Variants in UNC13C observed in about 807,000 individuals in gnomAD.
UNC13C encodes protein unc-13 homolog C.
Under a neutral mutation model 245.4 loss-of-function variants are expected in UNC13C, and 174 were observed. The ratio of observed to expected loss-of-function variants is 0.71; its 90% CI spans 0.63 to 0.80. The LOEUF (loss-of-function observed/expected upper bound fraction) is 0.80, where lower values mean the gene tolerates loss of function less well. UNC13C is among the 30% of genes least tolerant of loss of function. The pLI is 0.00. For missense variants in UNC13C, 2,829 were observed against 2,602.9 expected, an observed-to-expected ratio of 1.09 and a Z score of -1.89; for synonymous variants, 992 against 895.1, an observed-to-expected ratio of 1.11 and a Z score of -1.93.
chr15:53,873,569 GGC>G, the UNC13C span, among the ~76,000 whole-genome samples: 1 of 152,116 alleles, frequency 6.6e-6, no homozygotes, highest in South Asian at 2.1e-4. Flanking sequence ...AGGCTCAGAA[GGC>G]AAATCATCTA....
the UNC13C span, among the ~76,000 whole-genome samples, chr15:53,872,346 AG>A: frequency 3.1e-5 from 1 of 32,166 alleles, no homozygotes; most frequent in African/African-American, 4.5e-5. Context: ...CGCCATTCAT[AG>A]ATTTTTTTTT....
chr15:53,898,090 T>C, the UNC13C span, among the ~76,000 whole-genome samples: 1 of 152,156 alleles, frequency 6.6e-6, no homozygotes, highest in South Asian at 2.1e-4. Context: ...GTGAGACCCA[T>C]GCTGATAGTT....
chr15:54,616,718 G>T (rs1566941754), intron 30 of UNC13C, among the ~76,000 whole-genome samples: 1 of 152,058 alleles, frequency 6.6e-6, no homozygotes. Flanking sequence ...AAAGGTTACA[G>T]AAAGTTTACT....
At chr15:54,428,739 G>A (rs8029012) in intron 19 of UNC13C, among the ~76,000 whole-genome samples, 7,690 of 151,602 alleles carry the variant, frequency 0.051, 312 homozygotes, top group African/African-American at 0.12. Flanking sequence ...TGCTAGATCT[G>A]AAGTGGATAT....
chr15:54,450,292 C>T (rs1335297564), intron 19 of UNC13C, among the ~76,000 whole-genome samples: 4 of 152,218 alleles, frequency 2.6e-5, no homozygotes, highest in African/African-American at 9.6e-5. Context: ...CTACTCTCTT[C>T]AAAGCTGTCA....
At chr15:54,269,506 T>C (rs983811411) in intron 10 of UNC13C, among the ~76,000 whole-genome samples, 20 of 152,188 alleles carry the variant, frequency 1.3e-4, no homozygotes, top group African/African-American at 4.8e-4. Context: ...ATTTATTGTA[T>C]TATTTTAATC....
intron 4 of UNC13C, among the ~76,000 whole-genome samples, chr15:54,216,565 T>A (rs2035045326): frequency 6.6e-6 from 1 of 151,908 alleles, no homozygotes; most frequent in African/African-American, 2.4e-5. Context: ...CCTTCCCTAC[T>A]TCAATGGAGT....
chr15:54,214,019 C>T (rs997060589), intron 4 of UNC13C, among the ~76,000 whole-genome samples: 1 of 151,978 alleles, frequency 6.6e-6, no homozygotes, highest in Non-Finnish European at 1.5e-5. Flanking sequence ...ATTGACACTA[C>T]AAATTATTAT....
intron 2 of UNC13C, among the ~76,000 whole-genome samples, chr15:54,091,317 A>C (rs1899560458): frequency 6.6e-6 from 1 of 151,970 alleles, no homozygotes; most frequent in South Asian, 2.1e-4. Flanking sequence ...TTTTGTTCTC[A>C]CCTTGCAGAG....
At chr15:53,845,370 T>C in the UNC13C span, among the ~76,000 whole-genome samples, 1 of 150,098 alleles carries the variant, frequency 6.7e-6, no homozygotes, top group East Asian at 2.0e-4. Context: ...TGGAACAGTA[T>C]AGAAAACTGA....
Position 54,013,680 on chromosome 15 carries a change from A to G in UNC13C, c.777A>G (p.Glu259=). The G allele has an allele frequency of 1.2e-6, 2 of 1,613,762 alleles. No homozygotes were observed. Among genetic ancestry groups the G allele is most frequent in the Non-Finnish European group, 1.7e-6 (2 of 1,179,808 alleles). ...ELQGISQIET[E]LSELRGHVNA... ...AGGGAATAAGTCAGATTGAAACAGA[A>G]CTTTCTGAACTACGAGGGCACGTCA... The change falls in exon 2 of 33, where the codon GAA becomes GAG. Residue 259 remains glutamate, a synonymous_variant. Coordinates refer to ENST00000260323, the MANE Select transcript of UNC13C (RefSeq NM_001080534.3).
chr15:54,042,995 A>C (rs1355247729), intron 2 of UNC13C, among the ~76,000 whole-genome samples: 3 of 152,146 alleles, frequency 2.0e-5, no homozygotes, highest in Non-Finnish European at 4.4e-5. Flanking sequence ...CTCCCTATTC[A>C]GCCTGGAAAC....
chr15:54,035,853 C>T (rs1896557633), intron 2 of UNC13C, among the ~76,000 whole-genome samples: 1 of 152,134 alleles, frequency 6.6e-6, no homozygotes, highest in Non-Finnish European at 1.5e-5. Flanking sequence ...GGTATTGCAA[C>T]ACCGAGAGGA....
intron 30 of UNC13C, among the ~76,000 whole-genome samples, chr15:54,571,379 C>A (rs955613557): frequency 6.6e-6 from 1 of 152,130 alleles, no homozygotes; most frequent in African/African-American, 2.4e-5. Context: ...AGCATGATAG[C>A]AACACAGGAA....
At chr15:54,467,592 A>G (rs534191629) in intron 19 of UNC13C, among the ~76,000 whole-genome samples, 1 of 151,746 alleles carries the variant, frequency 6.6e-6, no homozygotes, top group Non-Finnish European at 1.5e-5. Flanking sequence ...TGTTTAACCT[A>G]AACTGTCTAT....
intron 4 of UNC13C, among the ~76,000 whole-genome samples, chr15:54,183,609 A>G (rs28557473): frequency 0.11 from 16,230 of 152,026 alleles, 1,449 homozygotes; most frequent in African/African-American, 0.24. Flanking sequence ...ATTTACTCAC[A>G]TAGGGCATTT....
At position 54,535,795 on chromosome 15, in the gene UNC13C, G is replaced by A. The variant is rs1036332270; in HGVS notation, c.5696+2729G>A. ...GAAATCAAGTAATCCTTTGAAAATT[G>A]TAAAAGAAAAGGTATAACATACCAG... On this transcript the variant is annotated intron_variant, in intron 26 of 32. Transcript: ENST00000260323. 5.9e-5 allele frequency among the ~76,000 whole-genome samples: 9 copies of A among 152,200 alleles called. No homozygotes were observed. In the East Asian group the frequency reaches 1.7e-3, roughly 29 times the overall value.
chr15:54,429,925 C>A (rs543052388), intron 19 of UNC13C, among the ~76,000 whole-genome samples: 1 of 151,532 alleles, frequency 6.6e-6, no homozygotes, highest in Non-Finnish European at 1.5e-5. Flanking sequence ...GGTATTTTAT[C>A]TTTTATACTT....
chr15:54,031,259 G>A (rs1367812928), intron 2 of UNC13C, among the ~76,000 whole-genome samples: 2 of 152,122 alleles, frequency 1.3e-5, no homozygotes, highest in Non-Finnish European at 2.9e-5. Context: ...GCCGTTTTTG[G>A]ATAGCCCAGG....
Sources: gnomAD v4.1 joint callset for allele counts (sites outside exome capture counted in the v4.1 genomes callset) on GRCh38, gnomAD v4.1.1 for gene constraint, MANE v1.5 for transcripts, NCBI Gene and HGNC (gene_info 2026-07-23, HGNC 2026-07-21) for gene names.